Variants in CDK13 observed in about 807,000 individuals in gnomAD.
The protein encoded by CDK13 is cyclin dependent kinase 13.
Under a neutral mutation model 137.6 loss-of-function variants are expected in CDK13, and 40 were observed. The observed-to-expected ratio is 0.29, with a 90% CI of 0.23 to 0.38. The LOEUF (loss-of-function observed/expected upper bound fraction) is 0.38. Among genes scored for constraint, CDK13 ranks in the 10% least tolerant of loss-of-function variants. CDK13 has a pLI of 1.00. For missense variants in CDK13, 1,704 were observed against 1,951.8 expected, an observed-to-expected ratio of 0.87 and a Z score of 2.39; for synonymous variants, 869 against 760.1, an observed-to-expected ratio of 1.14 and a Z score of -2.36.
chr7:40,004,389 T>C (rs968494854), intron 5 of CDK13, among the ~76,000 whole-genome samples: 2 of 152,230 alleles, frequency 1.3e-5, no homozygotes. Context: ...CTATGCATCA[T>C]GATAAATAAG....
At chr7:40,029,535 C>A (rs1455831721) in intron 5 of CDK13, among the ~76,000 whole-genome samples, 1 of 151,402 alleles carries the variant, frequency 6.6e-6, no homozygotes, top group East Asian at 2.0e-4. Context: ...TCCTGGCCAA[C>A]ATGGTGAAAC....
At chr7:39,967,905 TTGAGA>T (rs1232655550) in intron 1 of CDK13, among the ~76,000 whole-genome samples, 10 of 151,922 alleles carry the variant, frequency 6.6e-5, no homozygotes, top group Non-Finnish European at 1.3e-4. Flanking sequence ...AAAAAAAAAA[TTGAGA>T]TGGGATCTTG....
At chr7:40,001,601 T>C (rs1784686353) in intron 4 of CDK13, among the ~76,000 whole-genome samples, 1 of 152,148 alleles carries the variant, frequency 6.6e-6, no homozygotes, top group Admixed American at 6.6e-5. Flanking sequence ...ATGGGGAGCA[T>C]AGTATATTTG....
At chr7:40,020,458 C>A (rs1785093252) in intron 5 of CDK13, among the ~76,000 whole-genome samples, 1 of 152,192 alleles carries the variant, frequency 6.6e-6, no homozygotes, top group African/African-American at 2.4e-5. Context: ...CTTTACTCTT[C>A]AGTTTTGAAG....
intron 11 of CDK13, among the ~76,000 whole-genome samples, chr7:40,079,498 A>G (rs1786618757): frequency 6.6e-6 from 1 of 152,194 alleles, no homozygotes; most frequent in African/African-American, 2.4e-5. Flanking sequence ...TGGTACAGCT[A>G]TAGCCATAAT....
chr7:40,061,475 C>T (rs1008127249), intron 7 of CDK13: 9 of 152,186 alleles, frequency 5.9e-5, no homozygotes, highest in African/African-American at 2.2e-4. Flanking sequence ...CTTACACTGC[C>T]TGGAACTGCA....
intron 5 of CDK13, among the ~76,000 whole-genome samples, chr7:40,030,268 T>TAGAG (rs1408621438): frequency 3.6e-5 from 5 of 137,148 alleles, no homozygotes; most frequent in Admixed American, 1.4e-4. Flanking sequence ...TGTGTATATA[T>TAGAG]ATATATAGAG....
chr7:39,963,376 C>T (rs1477952596), intron 1 of CDK13, among the ~76,000 whole-genome samples: 2 of 152,182 alleles, frequency 1.3e-5, no homozygotes, highest in Admixed American at 1.3e-4. Flanking sequence ...ATTTTACTCT[C>T]TTTAAAGCAA....
chr7:39,980,428 A>C (rs1217297793), intron 1 of CDK13, among the ~76,000 whole-genome samples: 1 of 152,248 alleles, frequency 6.6e-6, no homozygotes, highest in Non-Finnish European at 1.5e-5. Flanking sequence ...TGTTACATAT[A>C]GTTAATAGAG....
At chr7:39,963,231 T>G (rs184464209) in intron 1 of CDK13, among the ~76,000 whole-genome samples, 1 of 152,270 alleles carries the variant, frequency 6.6e-6, no homozygotes, top group Admixed American at 6.5e-5. Context: ...GCCATTTTCA[T>G]GATATTGATT....
In CDK13 at chr7:40,021,118, T is replaced by TACACAC. The variant is rs1326611140; in HGVS notation, c.2353+19088_2353+19089insCACACA. 2.1e-3 allele frequency among the ~76,000 whole-genome samples: 225 copies of TACACAC among 107,190 alleles called. 1 individual carries two copies. Among genetic ancestry groups the TACACAC allele is most frequent in the African/African-American group, 6.2e-3 (220 of 35,736 alleles). 70.3% of individuals were successfully genotyped at this position (107,190 alleles called of 152,430 possible). A position where few individuals can be genotyped will look rare whatever the true frequency, so the allele number is the denominator to read the frequency against. On this transcript the variant is annotated intron_variant, in intron 5 of 13. Coordinates refer to ENST00000181839, the MANE Select transcript of CDK13 (RefSeq NM_003718.5). ...GCAAACAAACGTATATATATATATA[T>TACACAC]ATATACACACACACACACACACACA...
intron 7 of CDK13, among the ~76,000 whole-genome samples, chr7:40,058,579 C>CG (rs199819278): frequency 0.17 from 4,888 of 28,504 alleles, 259 homozygotes; most frequent in African/African-American, 0.36. Context: ...GCAGGGCGGG[C>CG]GGGGGGGTGC....
At position 40,047,716 on chromosome 7, in the gene CDK13, C is replaced by T. The variant is rs574909025; in HGVS notation, c.2544-105C>T. 9.7e-5 allele frequency: 68 copies of T among 699,802 alleles called. No homozygotes were observed. The South Asian group carries it at 1.1e-3, about 11-fold the overall frequency. The allele number at this position is 699,802 out of a possible 1,614,324, so 43.3% of individuals were successfully genotyped here. ...GCAGTGTGAGCAGAGTTAAAGTTTA[C>T]ATAGGTTTTTTTTTTTTAATCAGTT... On this transcript the variant is annotated intron_variant, in intron 6 of 13. Transcript: ENST00000181839.
rs572069801 is a variant in CDK13 at position 40,069,234 on chromosome 7, C to CA, written c.2780+6141dup. On this transcript the variant is annotated intron_variant, in intron 9 of 13. Transcript: ENST00000181839. ...TGGGCAGCAGAGCGAGACCTTGTCT[C>CA]AAAAAAACAGAAATAAAACAACAAA... 214 of 431,174 alleles carry CA rather than the reference C, an allele frequency of 5.0e-4. 1 individual carries two copies. The East Asian group carries it at 0.013, about 26-fold the overall frequency. The allele number at this position is 431,174 out of a possible 1,614,324, so 26.7% of individuals were successfully genotyped here.
intron 5 of CDK13, among the ~76,000 whole-genome samples, chr7:40,042,752 T>G (rs1056960174): frequency 1.3e-5 from 2 of 151,710 alleles, no homozygotes; most frequent in African/African-American, 4.8e-5. Context: ...AGTGTTGGGA[T>G]TACAGGTGTG....
chr7:40,063,101 G>A lies in CDK13; in HGVS notation c.2780+1G>A. ...AACTTGCACAACTAGAATTAATAAG[G>A]TAAGCTGCTGATTATAATATTGGTG... is the stretch of plus-strand genomic sequence containing the variant. On this transcript the variant is annotated splice_donor_variant, in intron 9 of 13. Transcript: ENST00000181839. LOFTEE classifies it high-confidence loss of function. 1 of 1,598,804 alleles carries A rather than the reference G, an allele frequency of 6.3e-7. No homozygotes were observed. Among genetic ancestry groups the A allele is most frequent in the Non-Finnish European group, 8.6e-7 (1 of 1,166,160 alleles).
chr7:39,971,074 A>G (rs1221630440), intron 1 of CDK13, among the ~76,000 whole-genome samples: 3 of 152,194 alleles, frequency 2.0e-5, no homozygotes, highest in Non-Finnish European at 4.4e-5. Context: ...TTTCTAGCTG[A>G]TAAATTTCTG....
At chr7:39,954,078 C>T (rs941866522) in intron 1 of CDK13, among the ~76,000 whole-genome samples, 4 of 152,222 alleles carry the variant, frequency 2.6e-5, no homozygotes, top group African/African-American at 7.2e-5. Context: ...AATCCACCTT[C>T]GAACCATTGC....
At chr7:40,026,817 GTGTAGTTAAAGT>G (rs1302495187) in intron 5 of CDK13, among the ~76,000 whole-genome samples, 13 of 152,236 alleles carry the variant, frequency 8.5e-5, no homozygotes, top group African/African-American at 3.1e-4. Flanking sequence ...AAATACTGTG[GTGTAGTTAAAGT>G]TGTAGTCTGG....
Sources: allele counts gnomAD v4.1 joint callset (sites outside exome capture counted in the v4.1 genomes callset), GRCh38; gene constraint gnomAD v4.1.1; transcripts MANE v1.5; gene names NCBI Gene and HGNC (gene_info 2026-07-23, HGNC 2026-07-21).